Variants in AFDN observed in about 807,000 individuals in gnomAD.
The protein encoded by AFDN is afadin.
A neutral mutation model predicts 216.6 loss-of-function variants in AFDN; 68 were observed. The observed-to-expected ratio is 0.31, with a 90% CI of 0.26 to 0.38. AFDN has a LOEUF of 0.38. Among genes scored for constraint, AFDN ranks in the 10% least tolerant of loss-of-function variants. The pLI is 1.00. For synonymous variants in AFDN, 868 were observed against 853.7 expected (o/e 1.02, Z -0.29); for missense variants, 2,136 against 2,342.0 (o/e 0.91, Z 1.82).
chr6:167,835,334 G>T (rs1780301066), intron 1 of AFDN, among the ~76,000 whole-genome samples: 3 of 152,196 alleles, frequency 2.0e-5, no homozygotes, highest in Admixed American at 2.0e-4. Context: ...CAAAATGTCT[G>T]TCAAATATCT....
chr6:167,961,069 A>T (rs368795198), intron 30 of AFDN, among the ~76,000 whole-genome samples: 26 of 103,986 alleles, frequency 2.5e-4, no homozygotes, highest in Non-Finnish European at 4.9e-4. Flanking sequence ...ATTTTTATTT[A>T]AAAAAAAAAA....
intron 30 of AFDN, among the ~76,000 whole-genome samples, chr6:167,955,086 A>C (rs1296792742): frequency 1.3e-5 from 2 of 152,112 alleles, no homozygotes; most frequent in Non-Finnish European, 2.9e-5. Context: ...CATATTGGGG[A>C]AGTTTGGCTC....
intron 1 of AFDN, among the ~76,000 whole-genome samples, chr6:167,857,704 A>G (rs575508710): frequency 1.3e-5 from 2 of 152,286 alleles, no homozygotes; most frequent in Non-Finnish European, 2.9e-5. Context: ...TCCGAGCTGT[A>G]TGAACCTGAA....
rs1049922982 is a variant in AFDN at position 167,882,520 on chromosome 6, G to A, written c.897+2003G>A. Among the ~76,000 whole-genome samples the A allele has an allele frequency of 4.6e-5, 7 of 151,192 alleles. No homozygotes were observed. In the South Asian group the frequency reaches 6.3e-4, roughly 14 times the overall value. On this transcript the variant is annotated intron_variant, in intron 6 of 33. Coordinates refer to ENST00000683244, the MANE Select transcript of AFDN (RefSeq NM_001386888.1). ...AAAAAAATGAGCTGGGCATGGTGGC[G>A]CACACCTGTAATCCCAGCTACTTGG...
chr6:167,831,761 A>G (rs1779855665), intron 1 of AFDN, among the ~76,000 whole-genome samples: 1 of 152,218 alleles, frequency 6.6e-6, no homozygotes, highest in African/African-American at 2.4e-5. Flanking sequence ...AGAAACGTTT[A>G]TGATTGTCAT....
intron 30 of AFDN, 66 bp downstream of exon 30, chr6:167,952,253 A>G (rs774699508): frequency 1.1e-5 from 17 of 1,611,414 alleles, no homozygotes; most frequent in South Asian, 7.8e-5. Flanking sequence ...CGTGTTTCCC[A>G]TGGGGATAGC....
intron 19 of AFDN, 94 bp downstream of exon 19, chr6:167,915,527 A>G (rs922450524): frequency 4.9e-6 from 7 of 1,418,806 alleles, no homozygotes; most frequent in Non-Finnish European, 5.7e-6. Flanking sequence ...CAAAACCTCA[A>G]TACCCTCTTT....
chr6:167,934,697 T>C (rs1793760162), intron 23 of AFDN, among the ~76,000 whole-genome samples: 1 of 152,012 alleles, frequency 6.6e-6, no homozygotes, highest in Non-Finnish European at 1.5e-5. Context: ...TCTTTCTTCC[T>C]CCTGCTCTTT....
intron 21 of AFDN, 77 bp downstream of exon 21, chr6:167,919,010 G>A: frequency 1.5e-6 from 2 of 1,295,002 alleles, no homozygotes. Context: ...CCATCTCATA[G>A]GGTAGTCCAC....
chr6:167,945,387 G>A (rs1018472672), intron 26 of AFDN, among the ~76,000 whole-genome samples: 1 of 151,888 alleles, frequency 6.6e-6, no homozygotes, highest in African/African-American at 2.4e-5. Flanking sequence ...ACCTGCCTGG[G>A]GCTACTTGAC....
At chr6:167,834,370 A>G (rs1467409827) in intron 1 of AFDN, among the ~76,000 whole-genome samples, 1 of 150,156 alleles carries the variant, frequency 6.7e-6, no homozygotes, top group African/African-American at 2.5e-5. Context: ...TTCTTGAGTT[A>G]CTTCACTTAG....
chr6:167,836,990 T>C (rs1780513701), intron 1 of AFDN, among the ~76,000 whole-genome samples: 2 of 152,306 alleles, frequency 1.3e-5, no homozygotes, highest in East Asian at 1.9e-4. Context: ...AATTTAAGAT[T>C]GGCAAAGGTG....
rs115279933 is a variant in AFDN at position 167,934,859 on chromosome 6, A to G, written c.3100-8270A>G. Among the ~76,000 whole-genome samples, 715 of 152,312 alleles carry G rather than the reference A, an allele frequency of 4.7e-3. 10 individuals are homozygous for G. The highest frequency in any genetic ancestry group is 0.016 in the African/African-American group (676 of 41,558). On this transcript the variant is annotated intron_variant, in intron 23 of 33. Transcript: ENST00000683244. ...GTGGGGAGACTACCTACACTTCTAT[A>G]AGCCCTCTTCTGAAAAGGTGCAGTA...
Position 167,911,390 on chromosome 6 carries a change from G to C in AFDN, c.1938G>C (p.Leu646Phe). The C allele has an allele frequency of 6.2e-7, 1 of 1,614,020 alleles. No individual in the cohort carries two copies. Among genetic ancestry groups the C allele is most frequent in the Non-Finnish European group, 8.5e-7 (1 of 1,180,000 alleles). ...YVLYMACRYV[L>F]SNQYRPDISP... is the part of the protein sequence containing the mutation. The stretch of plus-strand genomic sequence containing the variant: ...TATATATGGCATGCCGGTATGTATT[G>C]TCCAACCAGTACAGACCTGACATCA... The change falls in exon 15 of 34, where the codon TTG becomes TTC. Residue 646 changes from leucine (L) to phenylalanine (F), a missense_variant. By Grantham distance (22) the Leu-to-Phe change is conservative. Coordinates refer to ENST00000683244, the MANE Select transcript of AFDN (RefSeq NM_001386888.1).
chr6:167,946,434 A>T (rs1286529609), intron 26 of AFDN, among the ~76,000 whole-genome samples: 1 of 152,188 alleles, frequency 6.6e-6, no homozygotes, highest in African/African-American at 2.4e-5. Context: ...AAGATACTTT[A>T]AAAATGGTTA....
chr6:167,902,401 A>G lies in AFDN; in HGVS notation c.1650+15A>G. On this transcript the variant is annotated intron_variant, in intron 12 of 33. Transcript: ENST00000683244. Reference sequence around the variant, plus strand: ...CGACAAGCAAGGTAGGTAATTATGGATTACCTGATAGAAGTGTGCTTGCTA... The same window carrying G: ...CGACAAGCAAGGTAGGTAATTATGGGTTACCTGATAGAAGTGTGCTTGCTA... The G allele has an allele frequency of 6.3e-7, 1 of 1,587,242 alleles. No homozygotes were observed. Among genetic ancestry groups the G allele is most frequent in the Non-Finnish European group, 8.6e-7 (1 of 1,156,374 alleles).
intron 12 of AFDN, among the ~76,000 whole-genome samples, chr6:167,904,366 G>C (rs749698067): frequency 1.1e-4 from 16 of 151,902 alleles, no homozygotes; most frequent in Non-Finnish European, 2.1e-4. Context: ...CTGCCACCAT[G>C]CTTGGCTAAT....
rs965512757 is a variant in AFDN at position 167,951,842 on chromosome 6, G to A, written c.4488G>A (p.Thr1496=). 8.7e-6 allele frequency: 14 copies of A among 1,613,984 alleles called. No individual in the cohort carries two copies. The Admixed American group carries it at 1.0e-4, about 12-fold the overall frequency. ...TGCAGCCTCAGCAGCAGCCCCGCAC[G>A]ATCGAGCGCAGAGACTTGCAGTACA... ...RELQPQQQPR[T]IERRDLQYIT... Residue 1496 remains threonine, a synonymous_variant, in exon 30 of 34, where the codon ACG becomes ACA. Transcript: ENST00000683244. The surrounding 1 kb of genome is among the most constrained non-coding windows in gnomAD (Gnocchi z 7.1).
chr6:167,906,773 T>C (rs1013693009), intron 12 of AFDN, among the ~76,000 whole-genome samples: 1 of 152,200 alleles, frequency 6.6e-6, no homozygotes, highest in Non-Finnish European at 1.5e-5. Flanking sequence ...TTCTGAGAAA[T>C]AATAAACTTT....
Sources: gnomAD v4.1 joint callset for allele counts (sites outside exome capture counted in the v4.1 genomes callset) on GRCh38, gnomAD v4.1.1 for gene constraint, Gnocchi (gnomAD v3.1) non-coding constraint, MANE v1.5 for transcripts, NCBI Gene and HGNC (gene_info 2026-07-23, HGNC 2026-07-21) for gene names.